The following USH2A variants were observed in gnomAD, a reference collection of about 807,000 sequenced individuals.
USH2A encodes the protein usherin.
Under a neutral mutation model 538.9 loss-of-function variants are expected in USH2A, and 443 were observed. That is an observed-to-expected ratio of 0.82 (90% confidence interval 0.76 to 0.89). The LOEUF (loss-of-function observed/expected upper bound fraction) is 0.89, where lower values mean the gene tolerates loss of function less well. USH2A is among the 40% of genes least tolerant of loss of function. USH2A has a pLI of 0.00. For missense variants in USH2A, 6,633 were observed against 6,324.8 expected (o/e 1.05, Z -1.65); for synonymous variants, 2,413 against 2,273.5 (o/e 1.06, Z -1.75).
chr1:215,981,647 C>T lies in USH2A; in HGVS notation c.6806-10871G>A, dbSNP rs565878553. Among the ~76,000 whole-genome samples, 6 of 152,264 alleles carry T rather than the reference C, an allele frequency of 3.9e-5. No homozygotes were observed. In the East Asian group the frequency reaches 1.2e-3, roughly 29 times the overall value. On this transcript the variant is annotated intron_variant, in intron 35 of 71. Transcript: ENST00000307340. Reference sequence around the variant, plus strand: ...TGGCTAAACACTCCTTGCAACACTACCTCAAGGAGTATACCAAATCCAAAT... The same window carrying T: ...TGGCTAAACACTCCTTGCAACACTATCTCAAGGAGTATACCAAATCCAAAT...
rs1229686933 is a variant in USH2A, at chr1:216,073,319, T to C, written c.5573-19A>G. 3 of 1,557,464 alleles carry C rather than the reference T, an allele frequency of 1.9e-6. No homozygotes were observed. The highest frequency in any genetic ancestry group is 2.6e-6 in the Non-Finnish European group (3 of 1,159,100). On this transcript the variant is annotated intron_variant, in intron 27 of 71. Coordinates refer to ENST00000307340, the MANE Select transcript of USH2A (RefSeq NM_206933.4). ...CCGAAACCTAGCAAATAGTAAGGGA[T>C]TAGTATCGCATAAAGGGCTTGAGTC...
intron 34 of USH2A, among the ~76,000 whole-genome samples, chr1:215,993,748 G>A (rs1343880335): frequency 6.6e-6 from 1 of 152,164 alleles, no homozygotes; most frequent in Non-Finnish European, 1.5e-5. Context: ...CAATTTTTGA[G>A]TGAATGTTTA....
At chr1:215,650,352 G>A (rs1025300782) in intron 65 of USH2A, among the ~76,000 whole-genome samples, 1 of 152,020 alleles carries the variant, frequency 6.6e-6, no homozygotes, top group Non-Finnish European at 1.5e-5. Context: ...TTACGTTTGT[G>A]GAGTCTTTAA....
chr1:216,152,962 A>AGAAGAGAG (rs2033869133), intron 21 of USH2A, among the ~76,000 whole-genome samples: 1 of 152,200 alleles, frequency 6.6e-6, no homozygotes. Flanking sequence ...GCCACATAGA[A>AGAAGAGAG]GAAGAGAAGA....
intron 11 of USH2A, among the ~76,000 whole-genome samples, chr1:216,262,522 A>G (rs192501696): frequency 9.2e-5 from 14 of 152,168 alleles, no homozygotes; most frequent in Middle Eastern, 3.4e-3. Context: ...ACTCAAGCAG[A>G]CAGAAAGAAA....
chr1:216,413,294 G>A (rs1032657067), intron 3 of USH2A, among the ~76,000 whole-genome samples: 11 of 151,928 alleles, frequency 7.2e-5, no homozygotes, highest in Non-Finnish European at 1.2e-4. Flanking sequence ...GGGCTGGGAT[G>A]GTATTCCTAT....
chr1:216,167,347 A>G (rs1488298090), intron 21 of USH2A, among the ~76,000 whole-genome samples: 1 of 152,106 alleles, frequency 6.6e-6, no homozygotes, highest in African/African-American at 2.4e-5. Context: ...CAGTCTCCCT[A>G]TAGATAGAAA....
intron 21 of USH2A, among the ~76,000 whole-genome samples, chr1:216,100,019 AAAC>A (rs2032540776): frequency 6.6e-6 from 1 of 152,224 alleles, no homozygotes; most frequent in African/African-American, 2.4e-5. Flanking sequence ...GAAAAGAAAA[AAAC>A]AAGGGCAAGA....
At chr1:216,344,347 A>C (rs2102682831) in intron 4 of USH2A, among the ~76,000 whole-genome samples, 1 of 152,250 alleles carries the variant, frequency 6.6e-6, no homozygotes, top group South Asian at 2.1e-4. Flanking sequence ...TCATACACTG[A>C]ACTATTAATA....
intron 9 of USH2A, among the ~76,000 whole-genome samples, chr1:216,312,414 C>A (rs575448794): frequency 6.6e-6 from 1 of 152,180 alleles, no homozygotes; most frequent in East Asian, 1.9e-4. Context: ...TCTTCTTCTT[C>A]CCCATTATAT....
chr1:215,721,677 T>C (rs1659664785), intron 61 of USH2A, among the ~76,000 whole-genome samples: 1 of 152,090 alleles, frequency 6.6e-6, no homozygotes. Context: ...TGTCTGAAAG[T>C]CTAATTTGTC....
intron 37 of USH2A, among the ~76,000 whole-genome samples, chr1:215,956,344 TGTG>T (rs1451106350): frequency 6.6e-5 from 10 of 152,158 alleles, no homozygotes; most frequent in African/African-American, 2.2e-4. Flanking sequence ...CCAAATCACT[TGTG>T]GTGTGGGTTT....
intron 14 of USH2A, among the ~76,000 whole-genome samples, chr1:216,225,396 T>C (rs2035541175): frequency 6.6e-6 from 1 of 152,176 alleles, no homozygotes; most frequent in Admixed American, 6.5e-5. Flanking sequence ...GGATTTCCTG[T>C]GTAATGATTA....
chr1:216,022,104 C>A lies in USH2A; in HGVS notation c.6326-21542G>T, dbSNP rs146653858. Among the ~76,000 whole-genome samples the A allele has an allele frequency of 7.5e-3, 1,149 of 152,236 alleles. 16 individuals are homozygous for A. Among genetic ancestry groups the A allele is most frequent in the African/African-American group, 0.027 (1,105 of 41,552 alleles). The stretch of plus-strand genomic sequence containing the variant: ...CTTCACCTTCCACCATGAGTAAAAG[C>A]TCCCTGAGGCCTCCTCAGAATCAGA... On this transcript the variant is annotated intron_variant, in intron 32 of 71. Coordinates refer to ENST00000307340, the MANE Select transcript of USH2A (RefSeq NM_206933.4).
intron 3 of USH2A, among the ~76,000 whole-genome samples, chr1:216,417,678 G>A (rs927782649): frequency 5.3e-5 from 8 of 152,010 alleles, no homozygotes; most frequent in Non-Finnish European, 1.2e-4. Context: ...GTCTGCTGCC[G>A]TGATTGTAAG....
chr1:216,040,905 C>T (rs2102520086), intron 32 of USH2A, among the ~76,000 whole-genome samples: 1 of 151,924 alleles, frequency 6.6e-6, no homozygotes, highest in East Asian at 1.9e-4. Context: ...CACCAGAATA[C>T]CACAAAACTG....
intron 16 of USH2A, among the ~76,000 whole-genome samples, chr1:216,203,735 G>C (rs182307559): frequency 4.0e-4 from 61 of 152,168 alleles, no homozygotes; most frequent in Middle Eastern, 3.4e-3. Context: ...AATGAATAAG[G>C]GTAGAAATGA....
chr1:215,653,670 C>G (rs537551811), intron 64 of USH2A, among the ~76,000 whole-genome samples: 4 of 152,226 alleles, frequency 2.6e-5, no homozygotes, highest in Non-Finnish European at 5.9e-5. Context: ...TTCTGTCTCT[C>G]TGTCTTTGTC....
At chr1:215,917,780 C>CAAA (rs869080030) in intron 38 of USH2A, among the ~76,000 whole-genome samples, 5 of 89,618 alleles carry the variant, frequency 5.6e-5, no homozygotes, top group African/African-American at 8.8e-5. Flanking sequence ...CCTATCACTA[C>CAAA]AAAAAAAAAA....
Sources: allele counts gnomAD v4.1 joint callset (sites outside exome capture counted in the v4.1 genomes callset), GRCh38; gene constraint gnomAD v4.1.1; transcripts MANE v1.5; gene names NCBI Gene and HGNC (gene_info 2026-07-23, HGNC 2026-07-21).